The following MMP24 variants were observed in gnomAD, a reference collection of about 807,000 sequenced individuals.
The protein encoded by MMP24 is matrix metallopeptidase 24, also known as matrix metalloproteinase-24.
MMP24 carries 25 observed loss-of-function variants against 62.8 expected under a neutral mutation model. The ratio of observed to expected loss-of-function variants is 0.40; its 90% CI spans 0.29 to 0.56. The LOEUF (loss-of-function observed/expected upper bound fraction) is 0.56, where lower values mean the gene tolerates loss of function less well. Among genes scored for constraint, MMP24 ranks in the 20% least tolerant of loss-of-function variants. The pLI, the probability that MMP24 is intolerant of heterozygous loss-of-function variation, is 0.50. For missense variants in MMP24, 634 were observed against 853.6 expected, an observed-to-expected ratio of 0.74 and a Z score of 3.21; for synonymous variants, 319 against 350.5, an observed-to-expected ratio of 0.91 and a Z score of 1.00.
intron 5 of MMP24, among the ~76,000 whole-genome samples, chr20:35,265,046 C>T (rs1488750574): frequency 6.6e-6 from 1 of 152,174 alleles, no homozygotes; most frequent in East Asian, 1.9e-4. Flanking sequence ...CTGTGGGTCC[C>T]AGAAGCTATT....
chr20:35,255,313 A>G (rs2060569471), intron 4 of MMP24, among the ~76,000 whole-genome samples: 1 of 152,092 alleles, frequency 6.6e-6, no homozygotes, highest in Admixed American at 6.6e-5. Context: ...CCCAGGCGAC[A>G]AGAGTGAAAC....
chr20:35,274,505 T>C lies in MMP24; in HGVS notation c.1834T>C (p.Ser612Pro), dbSNP rs1380403788. 6.2e-7 allele frequency: 1 copy of C among 1,613,930 alleles called. No homozygotes were observed. The highest frequency in any genetic ancestry group is 8.5e-7 in the Non-Finnish European group (1 of 1,179,872). The change falls in exon 9 of 9, where the codon TCC (serine) becomes CCC (proline). Residue 612 changes from serine to proline, a missense_variant. Ser to Pro is a moderately conservative substitution (Grantham distance 74). This residue lies in a region of MMP24 where 399 missense variants were observed against 530.8 expected (regional missense o/e 0.75). Coordinates refer to ENST00000246186, the MANE Select transcript of MMP24 (RefSeq NM_006690.4). The surrounding 1 kb of genome is among the most constrained non-coding windows in gnomAD (Gnocchi z 5.1). ...GGCCGTGGTCATCCCCTGCATCCTG[T>C]CCCTCTGCATCCTGGTGCTGGTCTA... ...AVAVVIPCIL[S>P]LCILVLVYTI... is the part of the protein sequence containing the mutation.
chr20:35,274,739 T>C lies in MMP24; in HGVS notation c.*130T>C, dbSNP rs2060694213. ...CTAGGCTGGGGTCGTACAGCTGAAGTGGTGGGTGCATTGGCCTAGGCTGAG... is the reference window on the plus strand; with the variant it reads ...CTAGGCTGGGGTCGTACAGCTGAAGCGGTGGGTGCATTGGCCTAGGCTGAG... On this transcript the variant is annotated 3_prime_UTR_variant, in exon 9 of 9. Coordinates refer to ENST00000246186, the MANE Select transcript of MMP24 (RefSeq NM_006690.4). This position sits in a 1 kb window ranked among gnomAD's most constrained non-coding sequence, Gnocchi z 5.1. The C allele has an allele frequency of 1.2e-6, 1 of 821,524 alleles. No individual in the cohort carries two copies. The highest frequency in any genetic ancestry group is 1.9e-6 in the Non-Finnish European group (1 of 532,444). The allele number at this position is 821,524 out of a possible 1,614,324, so 50.9% of individuals were successfully genotyped here.
rs375444013 is a variant in MMP24 at position 35,246,910 on chromosome 20, C to T, written c.317C>T (p.Ala106Val). Residue 106 changes from alanine (A) to valine (V), a missense_variant, in exon 2 of 9, where the codon GCC becomes GTC. By Grantham distance (64) the Ala-to-Val change is moderately conservative. Coordinates refer to ENST00000246186, the MANE Select transcript of MMP24 (RefSeq NM_006690.4). ...SRASALHSAK[A>V]LQSAVSTMQQ... The stretch of plus-strand genomic sequence containing the variant: ...GCATCTGCGCTGCACTCAGCGAAGG[C>T]CTTGCAGTCGGCAGTCTCCACTATG... The T allele has an allele frequency of 6.1e-5, 99 of 1,613,938 alleles. No homozygotes were observed. Among genetic ancestry groups the T allele is most frequent in the Non-Finnish European group, 8.2e-5 (97 of 1,179,888 alleles).
chr20:35,265,535 A>G (rs2146234489), intron 5 of MMP24, among the ~76,000 whole-genome samples: 1 of 152,310 alleles, frequency 6.6e-6, no homozygotes, highest in Admixed American at 6.5e-5. Flanking sequence ...TATTAAATAA[A>G]CTACTATTAA....
rs1278484078 is a variant in MMP24 at position 35,275,051 on chromosome 20, C to T, written c.*442C>T. 1.7e-5 allele frequency: 3 copies of T among 172,266 alleles called. No individual in the cohort carries two copies. The highest frequency in any genetic ancestry group is 5.3e-5 in the Admixed American group (1 of 18,694). 10.7% of individuals were successfully genotyped at this position (172,266 alleles called of 1,614,324 possible). A position where few individuals can be genotyped will look rare whatever the true frequency, so the allele number is the denominator to read the frequency against. Reference sequence around the variant, plus strand: ...ACCAGTCCTGGTCCCCTTTTGCCAACACCTGCTGGTCAGATGTCCCCCTAC... The same window carrying T: ...ACCAGTCCTGGTCCCCTTTTGCCAATACCTGCTGGTCAGATGTCCCCCTAC... On this transcript the variant is annotated 3_prime_UTR_variant, in exon 9 of 9. Coordinates refer to ENST00000246186, the MANE Select transcript of MMP24 (RefSeq NM_006690.4).
intron 2 of MMP24, among the ~76,000 whole-genome samples, chr20:35,250,910 A>G (rs991476003): frequency 8.5e-5 from 13 of 152,164 alleles, no homozygotes; most frequent in Middle Eastern, 3.4e-3. Flanking sequence ...AAAACATATC[A>G]CCTGGTAACA....
At chr20:35,242,823 C>T (rs1305638022) in intron 1 of MMP24, among the ~76,000 whole-genome samples, 1 of 152,194 alleles carries the variant, frequency 6.6e-6, no homozygotes, top group African/African-American at 2.4e-5. Flanking sequence ...ATAGGACCCA[C>T]AAGAACTGGC....
At chr20:35,230,779 T>C (rs1247973539) in intron 1 of MMP24, among the ~76,000 whole-genome samples, 1 of 152,236 alleles carries the variant, frequency 6.6e-6, no homozygotes, top group Non-Finnish European at 1.5e-5. Context: ...CAGAACGTGA[T>C]AGTAGATGAT....
At chr20:35,234,526 T>A (rs1325640205) in intron 1 of MMP24, among the ~76,000 whole-genome samples, 1 of 152,212 alleles carries the variant, frequency 6.6e-6, no homozygotes, top group Non-Finnish European at 1.5e-5. Context: ...CCCAGACAGA[T>A]AGCCCTCCCT....
In MMP24 at chr20:35,267,290, C is replaced by T. The variant is rs143339096; in HGVS notation, c.1065C>T (p.His355=). ...TCCACTCACCATCGGAGAGGAAACA[C>T]GAGCGCCAGCCCAGGCCCCCTCGGC... ...RRIHSPSERK[H]ERQPRPPRPP... is the part of the protein sequence containing the mutation. The change falls in exon 6 of 9, where the codon CAC becomes CAT. Residue 355 remains histidine (H), a synonymous_variant. Coordinates refer to ENST00000246186, the MANE Select transcript of MMP24 (RefSeq NM_006690.4). 2.8e-3 allele frequency: 4,453 copies of T among 1,603,472 alleles called. 10 individuals are homozygous for T. The highest frequency in any genetic ancestry group is 3.4e-3 in the South Asian group (302 of 89,012).
intron 5 of MMP24, among the ~76,000 whole-genome samples, chr20:35,264,707 CAAAAAAAAAAAAAAAAAA>C (rs57309455): frequency 4.6e-5 from 2 of 43,522 alleles, no homozygotes; most frequent in Non-Finnish European, 9.0e-5. Flanking sequence ...GACTCCGTCT[CAAAAAAAAAAAAAAAAAA>C]AAAAAAAAAA....
intron 8 of MMP24, among the ~76,000 whole-genome samples, chr20:35,273,588 A>G (rs1355468389): frequency 1.3e-5 from 2 of 152,086 alleles, no homozygotes; most frequent in Non-Finnish European, 2.9e-5. Flanking sequence ...GGAGCCTCAG[A>G]GACAGGTGAC....
At chr20:35,230,624 G>A (rs1162987935) in intron 1 of MMP24, among the ~76,000 whole-genome samples, 1 of 152,142 alleles carries the variant, frequency 6.6e-6, no homozygotes, top group Non-Finnish European at 1.5e-5. Flanking sequence ...GCTCACCCTT[G>A]AGTTCCTTCA....
chr20:35,262,691 G>A (rs866650942), intron 4 of MMP24: 1 of 146,234 alleles, frequency 6.8e-6, no homozygotes, highest in African/African-American at 2.7e-5. Context: ...CGGGCTGGGG[G>A]ACAGTCAGGT....
intron 2 of MMP24, among the ~76,000 whole-genome samples, chr20:35,251,116 C>CTTTTTTTTTTT (rs59317276): frequency 4.3e-5 from 6 of 138,816 alleles, no homozygotes; most frequent in African/African-American, 1.6e-4. Flanking sequence ...TAAGCCACTT[C>CTTTTTTTTTTT]TTTTTTTTTT....
chr20:35,256,885 C>T (rs1209356691), intron 4 of MMP24, among the ~76,000 whole-genome samples: 1 of 152,126 alleles, frequency 6.6e-6, no homozygotes, highest in African/African-American at 2.4e-5. Context: ...TATCTTAATA[C>T]CTAGAGTTTT....
Position 35,271,821 on chromosome 20 carries a change from T to C in MMP24, c.1586T>C (p.Ile529Thr), listed in dbSNP as rs750918877. The C allele has an allele frequency of 2.5e-6, 4 of 1,610,208 alleles. No homozygotes were observed. The East Asian group carries it at 8.9e-5, about 36-fold the overall frequency. ...GIPQAPQGAF[I>T]SKEGYYTYFY... ...CCACAGGCTCCCCAAGGAGCCTTCA[T>C]CAGCAAGGAAGGATGTACGTAAGGG... Residue 529 changes from isoleucine to threonine, a missense_variant, in exon 8 of 9, where the codon ATC becomes ACC. Around this residue, in one of 3 missense-constraint regions of MMP24, gnomAD observed 399 missense variants for 530.8 expected, o/e 0.75. Coordinates refer to ENST00000246186, the MANE Select transcript of MMP24 (RefSeq NM_006690.4). This position sits in a 1 kb window ranked among gnomAD's most constrained non-coding sequence, Gnocchi z 4.0.
intron 1 of MMP24, among the ~76,000 whole-genome samples, chr20:35,231,444 A>C (rs1600769887): frequency 6.6e-6 from 1 of 152,078 alleles, no homozygotes; most frequent in Non-Finnish European, 1.5e-5. Flanking sequence ...GTATATCTTC[A>C]TTCTTGTCTG....
Sources: allele counts gnomAD v4.1 joint callset (sites outside exome capture counted in the v4.1 genomes callset), GRCh38; gene constraint gnomAD v4.1.1; regional missense constraint gnomAD v4.1.1; non-coding constraint Gnocchi (gnomAD v3.1); transcripts MANE v1.5; gene names NCBI Gene and HGNC (gene_info 2026-07-23, HGNC 2026-07-21).